The following SLC26A9 variants were observed in gnomAD, a reference collection of about 807,000 sequenced individuals.
SLC26A9 encodes solute carrier family 26 member 9.
Under a neutral mutation model 87.1 loss-of-function variants are expected in SLC26A9, and 46 were observed. That is an observed-to-expected ratio of 0.53 (90% CI 0.42 to 0.67). The LOEUF is 0.67. SLC26A9 is among the 30% of genes least tolerant of loss of function. SLC26A9 has a pLI of 0.00. For synonymous variants in SLC26A9, 437 were observed against 409.1 expected, an observed-to-expected ratio of 1.07 and a Z score of -0.82; for missense variants, 927 against 1,018.3, an observed-to-expected ratio of 0.91 and a Z score of 1.22.
At chr1:205,939,782 AAG>A (rs1659661042) in intron 1 of SLC26A9, among the ~76,000 whole-genome samples, 2 of 152,150 alleles carry the variant, frequency 1.3e-5, no homozygotes, top group African/African-American at 4.8e-5. Flanking sequence ...GGGAGCAAGA[AAG>A]AGAGCCAGGT....
rs1251452886 is a variant in SLC26A9 at position 205,931,879 on chromosome 1, C to A, written c.533G>T (p.Cys178Phe). ...CCTCACCTGGATGATGGCGGTGAGG[C>A]AGGCTAGCGTAGCTGACACGTGCAG... ...ERLHVSATLA[C>F]LTAIIQMGLG... The change falls in exon 5 of 21, where the codon TGC becomes TTC. Residue 178 changes from cysteine (C) to phenylalanine (F), a missense_variant. Transcript: ENST00000367135. 6.2e-7 allele frequency: 1 copy of A among 1,613,214 alleles called. No homozygotes were observed. Among genetic ancestry groups the A allele is most frequent in the Admixed American group, 1.7e-5 (1 of 59,988 alleles).
intron 20 of SLC26A9, among the ~76,000 whole-genome samples, chr1:205,916,214 A>G (rs1215002952): frequency 6.6e-6 from 1 of 152,216 alleles, no homozygotes; most frequent in African/African-American, 2.4e-5. Context: ...CTCATGCCTC[A>G]GACTTCCGAG....
In SLC26A9 at chr1:205,927,557, T is replaced by G. The variant is rs1234285812; in HGVS notation, c.1150A>C (p.Ile384Leu). Residue 384 changes from isoleucine to leucine, a missense_variant, in exon 10 of 21, where the codon ATT becomes CTT. Transcript: ENST00000367135. ...CSNFFGSFFK[I>L]HVICCALSVT... Reference sequence around the variant, plus strand: ...GAAAGCGCACAGCAAATGACATGAATTTTAAAGAAGGAGCCAAAGAAGTTG... The same window carrying G: ...GAAAGCGCACAGCAAATGACATGAAGTTTAAAGAAGGAGCCAAAGAAGTTG... 1 of 1,614,124 alleles carries G rather than the reference T, an allele frequency of 6.2e-7. No individual in the cohort carries two copies.
Position 205,932,000 on chromosome 1 carries a change from T to A in SLC26A9, c.412A>T (p.Ile138Phe), listed in dbSNP as rs747869320. The part of the protein sequence containing the change: ...FAVISILVGN[I>F]CLQLAPESKF... The stretch of plus-strand genomic sequence containing the variant: ...GACTCTGGGGCCAGCTGCAGACAGA[T>A]GTTACCCACCAGGATGCTGATAACG... Residue 138 changes from isoleucine to phenylalanine, a missense_variant, in exon 5 of 21, where the codon ATC becomes TTC. By Grantham distance (21) the Ile-to-Phe change is conservative. Transcript: ENST00000367135. The A allele has an allele frequency of 6.2e-7, 1 of 1,614,216 alleles. No individual in the cohort carries two copies. Among genetic ancestry groups the A allele is most frequent in the South Asian group, 1.1e-5 (1 of 91,084 alleles).
rs140641193 is a variant in SLC26A9 at position 205,931,287 on chromosome 1, G to A, written c.552+573C>T. On this transcript the variant is annotated intron_variant, in intron 5 of 20. Transcript: ENST00000367135. ...CTGGCAGAGAGTTGGGTTTCTCCAC[G>A]GGATAATGGAGAGAGGCTGTGAGTC... Among the ~76,000 whole-genome samples the A allele has an allele frequency of 1.2e-3, 178 of 152,254 alleles. 3 individuals carry two copies. Among genetic ancestry groups the A allele is most frequent in the Non-Finnish European group, 2.1e-3 (141 of 68,032 alleles).
rs1658473630 is a variant in SLC26A9 at position 205,913,984 on chromosome 1, G to C, written c.*1373C>G. On this transcript the variant is annotated 3_prime_UTR_variant, in exon 21 of 21. Transcript: ENST00000367135. The stretch of plus-strand genomic sequence containing the variant: ...TGAGAAAAGCAGTGATGAGAGGCCA[G>C]AAGATTTTCTGTGCATTTCCACTGA... 6.6e-6 allele frequency: 1 copy of C among 152,212 alleles called. No homozygotes were observed. The highest frequency in any genetic ancestry group is 1.5e-5 in the Non-Finnish European group (1 of 68,028). The allele number at this position is 152,212 out of a possible 1,614,324, so 9.4% of individuals were successfully genotyped here. A position where few individuals can be genotyped will look rare whatever the true frequency, so the allele number is the denominator to read the frequency against.
At position 205,913,762 on chromosome 1, in the gene SLC26A9, G is replaced by C. The variant is rs1169140266; in HGVS notation, c.*1595C>G. 1 of 152,618 alleles carries C rather than the reference G, an allele frequency of 6.6e-6. No homozygotes were observed. The highest frequency in any genetic ancestry group is 1.5e-5 in the Non-Finnish European group (1 of 68,044). 9.5% of individuals were successfully genotyped at this position (152,618 alleles called of 1,614,324 possible). ...GATGGCATAATGAATTCACAGAAAA[G>C]CAATGCTCCTGGGCCAAGAATGTGT... On this transcript the variant is annotated 3_prime_UTR_variant, in exon 21 of 21. Coordinates refer to ENST00000367135, the MANE Select transcript of SLC26A9 (RefSeq NM_052934.4).
At chr1:205,922,997 G>T in intron 16 of SLC26A9, 85 bp downstream of exon 16, 1 of 1,322,112 alleles carries the variant, frequency 7.6e-7, no homozygotes, top group Non-Finnish European at 1.1e-6. Context: ...GGGAAGCGGG[G>T]CCCCCAGGGT....
rs375875287 is a variant in SLC26A9, at chr1:205,935,801, C to T, written c.20G>A (p.Arg7His). Reference protein sequence around the residue: MSQPRPRYVVDRAAYSL... With the variant: MSQPRPHYVVDRAAYSL... ...GTATGCGGCTCTGTCTACCACGTAGCGGGGCCTGGGCTGGCTCATATCTGG... is the reference window on the plus strand; with the variant it reads ...GTATGCGGCTCTGTCTACCACGTAGTGGGGCCTGGGCTGGCTCATATCTGG... The change falls in exon 2 of 21, where the codon CGC becomes CAC. Residue 7 changes from arginine to histidine, a missense_variant. Physicochemically the swap from Arg to His is conservative, Grantham distance 29. Coordinates refer to ENST00000367135, the MANE Select transcript of SLC26A9 (RefSeq NM_052934.4). The T allele has an allele frequency of 1.4e-5, 22 of 1,613,506 alleles. No homozygotes were observed. Among genetic ancestry groups the T allele is most frequent in the East Asian group, 2.2e-5 (1 of 44,878 alleles).
intron 16 of SLC26A9, among the ~76,000 whole-genome samples, chr1:205,922,593 G>C (rs570229624): frequency 6.6e-6 from 1 of 152,330 alleles, no homozygotes; most frequent in South Asian, 2.1e-4. Context: ...GGAGATGGTA[G>C]CACCTCATCC....
At chr1:205,927,185 C>A (rs1269462506) in intron 11 of SLC26A9, 26 bp downstream of exon 11, 1 of 1,613,198 alleles carries the variant, frequency 6.2e-7, no homozygotes, top group Non-Finnish European at 8.5e-7. Context: ...CTTTCGTTGA[C>A]TTCTGCTCGA....
At chr1:205,931,465 G>GCTTTTTTT (rs1553270525) in intron 5 of SLC26A9, among the ~76,000 whole-genome samples, 5 of 95,986 alleles carry the variant, frequency 5.2e-5, no homozygotes, top group East Asian at 3.7e-4. Context: ...CCCTAACTTG[G>GCTTTTTTT]TTTTTTTTTT....
At position 205,932,722 on chromosome 1, in the gene SLC26A9, C is replaced by G. The variant is rs765877417; in HGVS notation, c.356G>C (p.Gly119Ala). 6.3e-7 allele frequency: 1 copy of G among 1,581,556 alleles called. No individual in the cohort carries two copies. The highest frequency in any genetic ancestry group is 8.6e-7 in the Non-Finnish European group (1 of 1,165,020). Reference sequence around the variant, plus strand: ...CTTACCTGGCACCATCTGGTGAACACCCCCCAGGAAGAAGTAGGTCAGGAG... The same window carrying G: ...CTTACCTGGCACCATCTGGTGAACAGCCCCCAGGAAGAAGTAGGTCAGGAG... ...FPLLTYFFLG[G>A]VHQMVPGTFA... Residue 119 changes from glycine (G) to alanine (A), a missense_variant, in exon 4 of 21, where the codon GGT becomes GCT. Coordinates refer to ENST00000367135, the MANE Select transcript of SLC26A9 (RefSeq NM_052934.4).
chr1:205,940,561 C>T (rs1659698377), intron 1 of SLC26A9, among the ~76,000 whole-genome samples: 2 of 152,216 alleles, frequency 1.3e-5, no homozygotes, highest in Non-Finnish European at 1.5e-5. Context: ...CTTGCTCTGC[C>T]ATCTCTAGTG....
chr1:205,916,328 C>T (rs1326725679), intron 20 of SLC26A9, among the ~76,000 whole-genome samples: 1 of 152,182 alleles, frequency 6.6e-6, no homozygotes, highest in Non-Finnish European at 1.5e-5. Flanking sequence ...AACTCCTGAC[C>T]TCAGGTGGTC....
intron 1 of SLC26A9, among the ~76,000 whole-genome samples, chr1:205,942,207 A>C (rs1223301054): frequency 6.6e-6 from 1 of 152,234 alleles, no homozygotes; most frequent in Non-Finnish European, 1.5e-5. Flanking sequence ...GTTTATACAA[A>C]TGAGACTCAG....
intron 17 of SLC26A9, among the ~76,000 whole-genome samples, chr1:205,920,973 C>G (rs1189676779): frequency 6.6e-6 from 1 of 152,206 alleles, no homozygotes; most frequent in South Asian, 2.1e-4. Context: ...CTGCCCTGCG[C>G]CTGGTTGATG....
chr1:205,933,003 G>A lies in SLC26A9; in HGVS notation c.207C>T (p.Asp69=). The part of the protein sequence containing the change: ...LSWLPKYKIK[D]YIIPDLLGGL... ...CACCGAGCAGGTCAGGAATGATGTA[G>A]TCTTTAATCTTGTACTTGGGGAGCC... Residue 69 remains aspartate (D), a synonymous_variant, in exon 3 of 21, where the codon GAC becomes GAT. Coordinates refer to ENST00000367135, the MANE Select transcript of SLC26A9 (RefSeq NM_052934.4). The A allele has an allele frequency of 1.2e-6, 2 of 1,614,160 alleles. No individual in the cohort carries two copies. The highest frequency in any genetic ancestry group is 1.7e-6 in the Non-Finnish European group (2 of 1,180,030).
intron 1 of SLC26A9, among the ~76,000 whole-genome samples, chr1:205,937,179 T>A (rs1226489246): frequency 5.3e-5 from 8 of 151,954 alleles, no homozygotes; most frequent in Admixed American, 5.3e-4. Context: ...GGTCTTGGGA[T>A]CCCAAGGTCC....
Sources: allele counts gnomAD v4.1 joint callset (sites outside exome capture counted in the v4.1 genomes callset), GRCh38; gene constraint gnomAD v4.1.1; transcripts MANE v1.5; gene names NCBI Gene and HGNC (gene_info 2026-07-23, HGNC 2026-07-21).